EPB41L4A: variants seen among roughly 807,000 people sequenced by gnomAD.
EPB41L4A encodes the protein erythrocyte membrane protein band 4.1 like 4A, also known as band 4.1-like protein 4A.
In EPB41L4A, 100 loss-of-function variants were observed where a neutral mutation model predicts 108.6. That is an observed-to-expected ratio of 0.92 (90% CI 0.78 to 1.09). The LOEUF is 1.09. EPB41L4A is among the 50% of genes least tolerant of loss of function. EPB41L4A has a pLI of 0.00. For missense variants in EPB41L4A, 1,030 were observed against 842.7 expected (o/e 1.22, Z -2.75); for synonymous variants, 319 against 289.0 (o/e 1.10, Z -1.05).
intron 15 of EPB41L4A, among the ~76,000 whole-genome samples, chr5:112,200,064 A>G (rs4958013): frequency 0.78 from 118,743 of 151,758 alleles, 47,093 homozygotes; most frequent in East Asian, 1. Flanking sequence ...GGGCTGTAAG[A>G]TCAGATCCCA....
At chr5:112,170,462 C>A in intron 19 of EPB41L4A, 93 bp from the exon 20 acceptor site, 1 of 823,928 alleles carries the variant, frequency 1.2e-6, no homozygotes, top group South Asian at 1.6e-5. Context: ...CCTTTCTAAT[C>A]TTGTCCCAAA....
intron 1 of EPB41L4A, among the ~76,000 whole-genome samples, chr5:112,312,626 G>A (rs757471140): frequency 3.3e-5 from 5 of 152,204 alleles, no homozygotes; most frequent in Non-Finnish European, 2.9e-5. Flanking sequence ...ACTGTAATAT[G>A]ATAAGACTTA....
intron 1 of EPB41L4A, among the ~76,000 whole-genome samples, chr5:112,391,897 G>C (rs1026444447): frequency 4.8e-4 from 73 of 152,284 alleles, no homozygotes; most frequent in African/African-American, 1.7e-3. Flanking sequence ...CTCCACAAGC[G>C]AGAAGAGAGT....
intron 1 of EPB41L4A, among the ~76,000 whole-genome samples, chr5:112,341,281 A>AACTC (rs968461711): frequency 1.6e-4 from 24 of 152,282 alleles, no homozygotes; most frequent in African/African-American, 5.3e-4. Flanking sequence ...TCCCACATAT[A>AACTC]ACTGTGTTTG....
At chr5:112,404,710 G>C (rs893362900) in intron 1 of EPB41L4A, among the ~76,000 whole-genome samples, 10 of 152,114 alleles carry the variant, frequency 6.6e-5, no homozygotes, top group African/African-American at 2.4e-4. Context: ...ATTTCTCAAA[G>C]CATAACTCTA....
chr5:112,304,071 G>A (rs976664901), intron 2 of EPB41L4A, among the ~76,000 whole-genome samples: 1 of 152,104 alleles, frequency 6.6e-6, no homozygotes, highest in Non-Finnish European at 1.5e-5. Flanking sequence ...GGGTGGTCAA[G>A]AAAGTGGGAA....
At chr5:112,349,596 A>C (rs1381591080) in intron 1 of EPB41L4A, among the ~76,000 whole-genome samples, 1 of 152,220 alleles carries the variant, frequency 6.6e-6, no homozygotes, top group Non-Finnish European at 1.5e-5. Context: ...TTATGCTGAC[A>C]CTGTTAGATG....
intron 9 of EPB41L4A, among the ~76,000 whole-genome samples, chr5:112,252,629 T>C (rs533943736): frequency 1.3e-5 from 2 of 152,212 alleles, no homozygotes; most frequent in South Asian, 2.1e-4. Context: ...TTCTCACTTA[T>C]AAGTGGGAAC....
intron 15 of EPB41L4A, among the ~76,000 whole-genome samples, 177 bp downstream of exon 15, chr5:112,204,198 G>A (rs1420583104): frequency 6.6e-6 from 1 of 151,900 alleles, no homozygotes; most frequent in African/African-American, 2.4e-5. Context: ...TAAAACTCTG[G>A]CTGTTTACGA....
chr5:112,374,721 T>C (rs1759701992), intron 1 of EPB41L4A, among the ~76,000 whole-genome samples: 2 of 152,204 alleles, frequency 1.3e-5, no homozygotes. Context: ...ATGCAAATTT[T>C]ACATTCTATT....
At position 112,273,565 on chromosome 5, in the gene EPB41L4A, T is replaced by G. The variant is rs141730541; in HGVS notation, c.335+1761A>C. Among the ~76,000 whole-genome samples the G allele has an allele frequency of 1.7e-4, 26 of 152,306 alleles. No individual in the cohort carries two copies. In the East Asian group the frequency reaches 5.0e-3, roughly 29 times the overall value. ...GATAGAATGAAATAAGTATTAGCAT[T>G]CATCAAACATAGTACGAGACACGGA... On this transcript the variant is annotated intron_variant, in intron 4 of 22. Transcript: ENST00000261486.
At chr5:112,249,925 A>G (rs954934426) in intron 9 of EPB41L4A, among the ~76,000 whole-genome samples, 6 of 152,208 alleles carry the variant, frequency 3.9e-5, no homozygotes, top group African/African-American at 1.4e-4. Flanking sequence ...TATTTGATCA[A>G]AGAACTTTCT....
rs555498193 is a variant in EPB41L4A at position 112,356,796 on chromosome 5, A to C, written c.100-49306T>G. Among the ~76,000 whole-genome samples the C allele has an allele frequency of 2.6e-5, 4 of 152,360 alleles. No homozygotes were observed. In the East Asian group the frequency reaches 5.8e-4, roughly 22 times the overall value. On this transcript the variant is annotated intron_variant, in intron 1 of 22. Transcript: ENST00000261486. ...ACACATGCAAGCTTGATGGTGAAAA[A>C]GAAAAATCAAAGGCTGCAACCTCAG...
At chr5:112,340,753 C>T (rs2150698349) in intron 1 of EPB41L4A, among the ~76,000 whole-genome samples, 1 of 152,214 alleles carries the variant, frequency 6.6e-6, no homozygotes, top group East Asian at 1.9e-4. Context: ...TATAAATGAT[C>T]CATTTAAAAA....
At chr5:112,230,693 T>C (rs1045386442) in intron 12 of EPB41L4A, among the ~76,000 whole-genome samples, 12 of 152,238 alleles carry the variant, frequency 7.9e-5, no homozygotes, top group African/African-American at 2.9e-4. Flanking sequence ...TTTACTCTGA[T>C]CATTTCCTTT....
chr5:112,145,758 C>A, intron 13 of EPB41L4A: 1 of 320,144 alleles, frequency 3.1e-6, no homozygotes, highest in Non-Finnish European at 6.1e-6. Flanking sequence ...ACATCCTCAA[C>A]CAAATCACTG....
intron 21 of EPB41L4A, 42 bp from the exon 22 acceptor site, chr5:112,168,862 C>G (rs1248361653): frequency 6.4e-7 from 1 of 1,560,550 alleles, no homozygotes; most frequent in Non-Finnish European, 8.8e-7. Context: ...GGAACAGTAT[C>G]TAGAATCATA....
intron 1 of EPB41L4A, among the ~76,000 whole-genome samples, chr5:112,380,957 C>T (rs1382060195): frequency 6.6e-6 from 1 of 152,112 alleles, no homozygotes; most frequent in East Asian, 1.9e-4. Context: ...TGTCAACAAT[C>T]CCTCACAAAT....
intron 12 of EPB41L4A, 95 bp from the exon 13 acceptor site, chr5:112,210,077 G>A (rs1762662848): frequency 2.9e-6 from 2 of 696,502 alleles, no homozygotes; most frequent in East Asian, 5.5e-5. Context: ...CAATTTTAGG[G>A]ACACTGTGGC....
Sources: allele counts gnomAD v4.1 joint callset (sites outside exome capture counted in the v4.1 genomes callset), GRCh38; gene constraint gnomAD v4.1.1; transcripts MANE v1.5; gene names NCBI Gene and HGNC (gene_info 2026-07-23, HGNC 2026-07-21).